The following PPP1R9A variants were observed in gnomAD, a reference collection of about 807,000 sequenced individuals.
PPP1R9A encodes the protein protein phosphatase 1 regulatory subunit 9A.
Under a neutral mutation model 141.9 loss-of-function variants are expected in PPP1R9A, and 59 were observed. The ratio of observed to expected loss-of-function variants is 0.42; its 90% CI spans 0.34 to 0.52. The LOEUF (loss-of-function observed/expected upper bound fraction) is 0.52, where lower values mean the gene tolerates loss of function less well. PPP1R9A is among the 20% of genes least tolerant of loss of function. The pLI is 0.10. For synonymous variants in PPP1R9A, 500 were observed against 569.7 expected, an observed-to-expected ratio of 0.88 and a Z score of 1.74; for missense variants, 1,444 against 1,611.9, an observed-to-expected ratio of 0.90 and a Z score of 1.78.
intron 2 of PPP1R9A, among the ~76,000 whole-genome samples, chr7:94,981,044 T>C (rs1800045413): frequency 1.3e-5 from 2 of 152,188 alleles, no homozygotes; most frequent in African/African-American, 4.8e-5. Context: ...TAAATTGCTG[T>C]GCAGCTGTGC....
intron 2 of PPP1R9A, among the ~76,000 whole-genome samples, chr7:95,018,707 T>A (rs1391338249): frequency 6.6e-6 from 1 of 152,186 alleles, no homozygotes; most frequent in African/African-American, 2.4e-5. Context: ...ACTGACCCGC[T>A]GTGTGCCAGC....
intron 2 of PPP1R9A, among the ~76,000 whole-genome samples, chr7:95,101,908 A>T (rs1202437189): frequency 1.3e-5 from 2 of 152,016 alleles, no homozygotes; most frequent in Non-Finnish European, 2.9e-5. Context: ...CTGAATTCAG[A>T]GTTTGAGTCA....
At chr7:95,072,935 AT>A (rs1280130307) in intron 2 of PPP1R9A, among the ~76,000 whole-genome samples, 2 of 127,832 alleles carry the variant, frequency 1.6e-5, no homozygotes, top group Non-Finnish European at 3.1e-5. Context: ...TTGCATATAT[AT>A]TATATATATT....
intron 7 of PPP1R9A, among the ~76,000 whole-genome samples, chr7:95,205,881 T>G (rs962657652): frequency 1.3e-5 from 2 of 152,204 alleles, no homozygotes; most frequent in Admixed American, 6.5e-5. Context: ...TGCTACAGCA[T>G]TTTAATTGTC....
chr7:95,237,785 A>T (rs1275708520), intron 8 of PPP1R9A, among the ~76,000 whole-genome samples: 1 of 152,106 alleles, frequency 6.6e-6, no homozygotes, highest in Admixed American at 6.6e-5. Context: ...TTTGTCTCAT[A>T]ATAAAAAATT....
chr7:95,111,742 T>G (rs982272273), intron 3 of PPP1R9A, among the ~76,000 whole-genome samples: 2 of 152,154 alleles, frequency 1.3e-5, no homozygotes, highest in African/African-American at 4.8e-5. Context: ...CGCTTTCTTT[T>G]GTTTTGGTGG....
rs528160478 is a variant in PPP1R9A, at chr7:95,279,299, C to T, written c.3297-4719C>T. ...CCCCTGTTGCTGAGTAAGAGCAAAA[C>T]CCCTGCTTAAGAATCATCTGAGCTG... On this transcript the variant is annotated intron_variant, in intron 16 of 19. Transcript: ENST00000433360. Among the ~76,000 whole-genome samples the T allele has an allele frequency of 2.1e-4, 32 of 152,240 alleles. No individual in the cohort carries two copies. The South Asian group carries it at 5.8e-3, about 28-fold the overall frequency.
intron 2 of PPP1R9A, among the ~76,000 whole-genome samples, chr7:95,105,653 G>A (rs1819408862): frequency 1.3e-5 from 2 of 152,198 alleles, no homozygotes; most frequent in Admixed American, 1.3e-4. Context: ...GGAATACCAG[G>A]AGGAGTCATG....
chr7:95,104,486 G>T (rs1160467725), intron 2 of PPP1R9A, among the ~76,000 whole-genome samples: 1 of 152,092 alleles, frequency 6.6e-6, no homozygotes, highest in Non-Finnish European at 1.5e-5. Context: ...TCTTTTCATT[G>T]TAACATACTC....
chr7:95,140,425 C>G (rs564870636), intron 4 of PPP1R9A, among the ~76,000 whole-genome samples: 1 of 152,168 alleles, frequency 6.6e-6, no homozygotes, highest in Non-Finnish European at 1.5e-5. Context: ...GAGTCCTGTT[C>G]TGTTGCCCAG....
chr7:95,050,437 T>C lies in PPP1R9A; in HGVS notation c.1396-60822T>C, dbSNP rs531764805. Among the ~76,000 whole-genome samples, 597 of 152,240 alleles carry C rather than the reference T, an allele frequency of 3.9e-3. 3 individuals carry two copies. Among genetic ancestry groups the C allele is most frequent in the South Asian group, 0.022 (104 of 4,824 alleles). ...TTGCCATCCTTCAAGATAAGAAATATAAACAAGAGGCTGGGCTTGGTGGCT... is the reference window on the plus strand; with the variant it reads ...TTGCCATCCTTCAAGATAAGAAATACAAACAAGAGGCTGGGCTTGGTGGCT... On this transcript the variant is annotated intron_variant, in intron 2 of 19. Transcript: ENST00000433360.
chr7:95,089,008 G>A (rs1206076754), intron 2 of PPP1R9A, among the ~76,000 whole-genome samples: 9 of 151,988 alleles, frequency 5.9e-5, no homozygotes, highest in Admixed American at 3.3e-4. Flanking sequence ...GCCTAAAAAG[G>A]TCAACTTACT....
At chr7:95,227,048 A>G (rs933586663) in intron 8 of PPP1R9A, among the ~76,000 whole-genome samples, 1 of 152,206 alleles carries the variant, frequency 6.6e-6, no homozygotes, top group African/African-American at 2.4e-5. Context: ...CTTCAAACCA[A>G]AGAGCAATGC....
intron 7 of PPP1R9A, among the ~76,000 whole-genome samples, chr7:95,219,311 G>C (rs1794039418): frequency 6.6e-6 from 1 of 152,094 alleles, no homozygotes; most frequent in Non-Finnish European, 1.5e-5. Flanking sequence ...CTCTCTTCTG[G>C]CTTGTAGAGT....
intron 16 of PPP1R9A, among the ~76,000 whole-genome samples, chr7:95,276,583 T>C (rs1239871821): frequency 6.6e-6 from 1 of 152,226 alleles, no homozygotes; most frequent in Non-Finnish European, 1.5e-5. Flanking sequence ...AATCATGATT[T>C]TGATCTTTTG....
At chr7:94,968,265 C>T (rs958348874) in intron 2 of PPP1R9A, among the ~76,000 whole-genome samples, 4 of 151,610 alleles carry the variant, frequency 2.6e-5, no homozygotes, top group African/African-American at 9.7e-5. Flanking sequence ...CTCCGCCTCC[C>T]GGGTTCACGC....
At chr7:95,171,977 T>C (rs1048443835) in intron 5 of PPP1R9A, among the ~76,000 whole-genome samples, 3 of 151,784 alleles carry the variant, frequency 2.0e-5, no homozygotes, top group Non-Finnish European at 4.4e-5. Context: ...GATTTAATGT[T>C]TATGAATCAA....
chr7:95,048,700 G>A (rs139970837), intron 2 of PPP1R9A, among the ~76,000 whole-genome samples: 3,074 of 151,982 alleles, frequency 0.02, 102 homozygotes, highest in African/African-American at 0.07. Flanking sequence ...CTGCCACCAC[G>A]CCGAGCTAAT....
chr7:95,227,339 A>C (rs1415541891), intron 8 of PPP1R9A, among the ~76,000 whole-genome samples: 2 of 152,196 alleles, frequency 1.3e-5, no homozygotes, highest in Non-Finnish European at 2.9e-5. Flanking sequence ...TTGAGCTGGA[A>C]GAAGGGTCCA....
Sources: allele counts gnomAD v4.1 joint callset (sites outside exome capture counted in the v4.1 genomes callset), GRCh38; gene constraint gnomAD v4.1.1; transcripts MANE v1.5; gene names NCBI Gene and HGNC (gene_info 2026-07-23, HGNC 2026-07-21).